The following ARL14EP variants were observed in gnomAD, a reference collection of about 807,000 sequenced individuals.
ARL14EP encodes the protein ARL14 effector protein.
ARL14EP carries 12 observed loss-of-function variants against 23.1 expected under a neutral mutation model. The observed-to-expected ratio is 0.52, with a 90% CI of 0.33 to 0.84. The LOEUF is 0.84. Ranked by LOEUF, ARL14EP falls within the 40% of genes least tolerant of loss-of-function variation. ARL14EP has a pLI of 0.02. For missense variants in ARL14EP, 253 were observed against 307.3 expected (o/e 0.82, Z 1.32); for synonymous variants, 97 against 102.0 (o/e 0.95, Z 0.29).
At position 30,334,208 on chromosome 11, in the gene ARL14EP, C is replaced by CTT. The variant is rs36111177; in HGVS notation, c.554+1239_554+1240dup. On this transcript the variant is annotated intron_variant, in intron 3 of 3. Transcript: ENST00000282032. ...CAGATTTTCAATGTAGACCAGCCTTCTTTTTTTTTTTTTTTTTTTTTTTTT... is the reference window on the plus strand; with the variant it reads ...CAGATTTTCAATGTAGACCAGCCTTCTTTTTTTTTTTTTTTTTTTTTTTTTTT... Among the ~76,000 whole-genome samples the CTT allele has an allele frequency of 7.5e-3, 641 of 85,922 alleles. 5 individuals are homozygous for CTT. The highest frequency in any genetic ancestry group is 0.012 in the East Asian group (16 of 1,356). The allele number at this position is 85,922 out of a possible 152,430, so 56.4% of individuals were successfully genotyped here.
In ARL14EP at chr11:30,336,603, C is replaced by T; in HGVS notation, c.591C>T (p.Ser197=). 6.2e-7 allele frequency: 1 copy of T among 1,613,854 alleles called. No homozygotes were observed. The highest frequency in any genetic ancestry group is 8.5e-7 in the Non-Finnish European group (1 of 1,179,946). The stretch of plus-strand genomic sequence containing the variant: ...CAGCAAAGAGTAAGGTCTATGATAG[C>T]CAGGGTCTCCTGATTTTTAGTGGGA... ...VIPAKSKVYD[S]QGLLIFSGMD... The change falls in exon 4 of 4, where the codon AGC becomes AGT. Residue 197 remains serine, a synonymous_variant. Coordinates refer to ENST00000282032, the MANE Select transcript of ARL14EP (RefSeq NM_152316.3).
chr11:30,333,015 A>G (rs1947297819), intron 3 of ARL14EP, 22 bp downstream of exon 3: 1 of 1,611,350 alleles, frequency 6.2e-7, no homozygotes, highest in Non-Finnish European at 8.5e-7. Flanking sequence ...GTTACTGAAG[A>G]CATGTTAACT....
At chr11:30,323,767 TG>T (rs1236308866) in intron 1 of ARL14EP, among the ~76,000 whole-genome samples, 2 of 152,228 alleles carry the variant, frequency 1.3e-5, no homozygotes, top group East Asian at 3.9e-4. Flanking sequence ...TTGCAGGGTT[TG>T]GGGGCACTCT....
At chr11:30,327,239 ATTAGTT>A (rs1947243254) in intron 1 of ARL14EP, among the ~76,000 whole-genome samples, 1 of 152,210 alleles carries the variant, frequency 6.6e-6, no homozygotes, top group Non-Finnish European at 1.5e-5. Flanking sequence ...AGTCTATTCC[ATTAGTT>A]TCCTTTAATC....
chr11:30,330,845 A>T lies in ARL14EP; in HGVS notation c.-63-41A>T, dbSNP rs1201715801. 3 of 1,101,520 alleles carry T rather than the reference A, an allele frequency of 2.7e-6. No homozygotes were observed. The African/African-American group carries it at 4.7e-5, about 17-fold the overall frequency. 68.2% of individuals were successfully genotyped at this position (1,101,520 alleles called of 1,614,324 possible). On this transcript the variant is annotated intron_variant, in intron 1 of 3. Transcript: ENST00000282032. ...AATGCTTTTTCAGTTTCCTAGATAA[A>T]CTTGCAGCACAAATTTGATTCTCTT... is the stretch of plus-strand genomic sequence containing the variant.
intron 1 of ARL14EP, among the ~76,000 whole-genome samples, chr11:30,325,976 A>G (rs991923871): frequency 6.6e-6 from 1 of 152,206 alleles, no homozygotes; most frequent in Non-Finnish European, 1.5e-5. Context: ...CAGAATGTGA[A>G]AACCTGAAAG....
At chr11:30,333,711 C>A (rs145452740) in intron 3 of ARL14EP, among the ~76,000 whole-genome samples, 67 of 152,204 alleles carry the variant, frequency 4.4e-4, no homozygotes, top group African/African-American at 1.4e-3. Flanking sequence ...TCTAAGTGTT[C>A]AAGTGAAAGG....
At chr11:30,332,426 T>C (rs1947292959) in intron 2 of ARL14EP, among the ~76,000 whole-genome samples, 3 of 152,094 alleles carry the variant, frequency 2.0e-5, no homozygotes, top group Non-Finnish European at 2.9e-5. Flanking sequence ...ACCAAAACTT[T>C]TCAAAAAGAT....
At chr11:30,331,901 G>T in intron 2 of ARL14EP, 1 of 744,984 alleles carries the variant, frequency 1.3e-6, no homozygotes, top group Non-Finnish European at 1.6e-6. Context: ...TTTGCTTCTA[G>T]TTCTGAATTC....
chr11:30,336,362 ACT>A (rs77080746), intron 3 of ARL14EP, among the ~76,000 whole-genome samples: 54,003 of 151,736 alleles, frequency 0.36, 10,213 homozygotes, highest in East Asian at 0.6. Flanking sequence ...TTGTCTCAAC[ACT>A]CTATAGAGTT....
intron 3 of ARL14EP, 141 bp from the exon 4 acceptor site, chr11:30,336,426 C>A: frequency 1.3e-6 from 1 of 751,206 alleles, no homozygotes; most frequent in Non-Finnish European, 2.2e-6. Context: ...TAGAATAAGC[C>A]TTGAGCCTGA....
chr11:30,330,129 A>G (rs1286045466), intron 1 of ARL14EP: 2 of 152,026 alleles, frequency 1.3e-5, no homozygotes, highest in Non-Finnish European at 2.9e-5. Context: ...TGTGATACCC[A>G]TCGATTAATA....
chr11:30,334,339 T>G (rs1277042247), intron 3 of ARL14EP, among the ~76,000 whole-genome samples: 2 of 151,040 alleles, frequency 1.3e-5, no homozygotes, highest in South Asian at 2.1e-4. Context: ...CCTCAACCTC[T>G]TGGGTAGCTG....
intron 1 of ARL14EP, among the ~76,000 whole-genome samples, chr11:30,323,835 G>T (rs1286822806): frequency 1.3e-5 from 2 of 152,210 alleles, no homozygotes; most frequent in Non-Finnish European, 2.9e-5. Flanking sequence ...AAATGAGAAT[G>T]ATAGTACTTT....
chr11:30,330,602 AC>A, intron 1 of ARL14EP: 1 of 222,720 alleles, frequency 4.5e-6, no homozygotes, highest in East Asian at 1.2e-4. Context: ...AGTTTGTTAA[AC>A]CTCTTGTATT....
chr11:30,334,218 T>C (rs1590669921), intron 3 of ARL14EP, among the ~76,000 whole-genome samples: 1 of 103,406 alleles, frequency 9.7e-6, no homozygotes, highest in Admixed American at 9.7e-5. Flanking sequence ...CTTTTTTTTT[T>C]TTTTTTTTTT....
At position 30,336,835 on chromosome 11, in the gene ARL14EP, T is replaced by C. The variant is rs1947337168; in HGVS notation, c.*40T>C. ...CTATGGAGCCTTTAAAGGTCTTTATTTCTAAAAATCTGTTACTCTAAGATA... is the reference window on the plus strand; with the variant it reads ...CTATGGAGCCTTTAAAGGTCTTTATCTCTAAAAATCTGTTACTCTAAGATA... On this transcript the variant is annotated 3_prime_UTR_variant, in exon 4 of 4. Coordinates refer to ENST00000282032, the MANE Select transcript of ARL14EP (RefSeq NM_152316.3). 6.5e-7 allele frequency: 1 copy of C among 1,542,244 alleles called. No homozygotes were observed. Among genetic ancestry groups the C allele is most frequent in the Non-Finnish European group, 9.0e-7 (1 of 1,116,104 alleles).
At chr11:30,324,310 C>T (rs948605688) in intron 1 of ARL14EP, among the ~76,000 whole-genome samples, 1 of 152,068 alleles carries the variant, frequency 6.6e-6, no homozygotes, top group Non-Finnish European at 1.5e-5. Context: ...AAAGAGACAT[C>T]AGTTGACCTA....
chr11:30,329,425 C>T (rs1947265451), intron 1 of ARL14EP: 1 of 152,086 alleles, frequency 6.6e-6, no homozygotes, highest in Non-Finnish European at 1.5e-5. Flanking sequence ...AACTTGTGCT[C>T]TTATTGGAGA....
Sources: allele counts gnomAD v4.1 joint callset (sites outside exome capture counted in the v4.1 genomes callset), GRCh38; gene constraint gnomAD v4.1.1; transcripts MANE v1.5; gene names NCBI Gene and HGNC (gene_info 2026-07-23, HGNC 2026-07-21).